Variants in TRAPPC9 observed in about 807,000 individuals in gnomAD.
TRAPPC9 encodes trafficking protein particle complex subunit 9.
TRAPPC9 carries 83 observed loss-of-function variants against 124.0 expected under a neutral mutation model. That is an observed-to-expected ratio of 0.67 (90% CI 0.56 to 0.80). The LOEUF is 0.80. Ranked by LOEUF, TRAPPC9 falls within the 30% of genes least tolerant of loss-of-function variation. TRAPPC9 has a pLI of 0.00. For missense variants in TRAPPC9, 1,302 were observed against 1,508.3 expected, an observed-to-expected ratio of 0.86 and a Z score of 2.27; for synonymous variants, 638 against 617.5, an observed-to-expected ratio of 1.03 and a Z score of -0.49.
At chr8:140,171,072 A>G (rs1249367973) in intron 17 of TRAPPC9, among the ~76,000 whole-genome samples, 1 of 152,226 alleles carries the variant, frequency 6.6e-6, no homozygotes, top group African/African-American at 2.4e-5. Context: ...TAGAGAGTTG[A>G]GAGATGATGT....
chr8:140,370,471 C>T (rs1314011044), intron 8 of TRAPPC9, among the ~76,000 whole-genome samples: 1 of 152,138 alleles, frequency 6.6e-6, no homozygotes, highest in African/African-American at 2.4e-5. Flanking sequence ...TCTAATCAGA[C>T]TTTGTCTAAT....
intron 2 of TRAPPC9, among the ~76,000 whole-genome samples, chr8:140,449,181 G>A (rs907654349): frequency 6.6e-6 from 1 of 152,160 alleles, no homozygotes; most frequent in Non-Finnish European, 1.5e-5. Flanking sequence ...CAACCAGAAC[G>A]ACACCGTGTG....
At chr8:139,741,911 T>C (rs1005887090) in intron 21 of TRAPPC9, among the ~76,000 whole-genome samples, 1 of 152,184 alleles carries the variant, frequency 6.6e-6, no homozygotes, top group African/African-American at 2.4e-5. Context: ...ATTTTGTTCA[T>C]ATAGCATCCA....
chr8:140,125,821 A>C (rs914924574), intron 17 of TRAPPC9, among the ~76,000 whole-genome samples: 4 of 151,890 alleles, frequency 2.6e-5, no homozygotes, highest in Admixed American at 2.0e-4. Context: ...CCAAACCTGC[A>C]TGTTTGAGAG....
intron 4 of TRAPPC9, among the ~76,000 whole-genome samples, chr8:140,427,985 C>T (rs374678479): frequency 6.6e-6 from 1 of 152,282 alleles, no homozygotes; most frequent in Non-Finnish European, 1.5e-5. Flanking sequence ...TATGGGGAGA[C>T]TGAAGCCCAG....
chr8:140,110,936 A>T (rs1423293754), intron 17 of TRAPPC9, among the ~76,000 whole-genome samples: 5 of 34,674 alleles, frequency 1.4e-4, no homozygotes, highest in East Asian at 9.1e-4. Flanking sequence ...GCTCCCCCAA[A>T]GCTCCCCCTG....
At chr8:140,314,247 G>A (rs1308217601) in intron 9 of TRAPPC9, among the ~76,000 whole-genome samples, 1 of 152,070 alleles carries the variant, frequency 6.6e-6, no homozygotes, top group Admixed American at 6.5e-5. Flanking sequence ...TTTGTTTATT[G>A]TTTAGTATCA....
At chr8:140,375,840 G>T (rs1319039254) in intron 7 of TRAPPC9, among the ~76,000 whole-genome samples, 1 of 152,178 alleles carries the variant, frequency 6.6e-6, no homozygotes, top group Non-Finnish European at 1.5e-5. Context: ...TGACAGATGT[G>T]TAGGGGCAGC....
chr8:140,382,208 G>T (rs540451757), intron 7 of TRAPPC9, among the ~76,000 whole-genome samples: 1 of 152,218 alleles, frequency 6.6e-6, no homozygotes. Flanking sequence ...AGCTCCCAGC[G>T]TGAGCGACAC....
chr8:140,292,665 T>C (rs1342891872), intron 11 of TRAPPC9, among the ~76,000 whole-genome samples: 2 of 151,934 alleles, frequency 1.3e-5, no homozygotes, highest in Admixed American at 6.6e-5. Context: ...TAGCCATATG[T>C]AGAAAGCTGA....
At chr8:140,024,210 G>GCCGACTCACAACCCCGGCGGGTA (rs1406533447) in intron 17 of TRAPPC9, 131 bp from the exon 18 acceptor site, 9 of 1,182,586 alleles carry the variant, frequency 7.6e-6, no homozygotes, top group South Asian at 2.6e-5. Context: ...ATCAGCATTG[G>GCCGACTCACAACCCCGGCGGGTA]CCGACTCACA....
At chr8:140,187,302 C>T (rs1439869153) in intron 17 of TRAPPC9, among the ~76,000 whole-genome samples, 1 of 152,154 alleles carries the variant, frequency 6.6e-6, no homozygotes, top group Non-Finnish European at 1.5e-5. Context: ...GAGCCGATGC[C>T]CCACCTAGAC....
At chr8:140,325,900 AC>A (rs971351531) in intron 9 of TRAPPC9, among the ~76,000 whole-genome samples, 7 of 151,718 alleles carry the variant, frequency 4.6e-5, no homozygotes, top group Admixed American at 3.9e-4. Context: ...AGGAAGAGAG[AC>A]CCCCCCAAAA....
chr8:139,930,315 G>A lies in TRAPPC9; in HGVS notation c.2811-20015C>T, dbSNP rs536682247. ...CGCCAGCCGGGAGTTGATGTGTAAC[G>A]TGAACAAGATACAGCCAAGGTGAGC... On this transcript the variant is annotated intron_variant, in intron 19 of 22. Transcript: ENST00000438773. Among the ~76,000 whole-genome samples, 11 of 152,342 alleles carry A rather than the reference G, an allele frequency of 7.2e-5. No homozygotes were observed. The South Asian group carries it at 8.3e-4, about 11-fold the overall frequency.
chr8:140,170,244 A>T (rs1164574747), intron 17 of TRAPPC9, among the ~76,000 whole-genome samples: 1 of 152,164 alleles, frequency 6.6e-6, no homozygotes, highest in African/African-American at 2.4e-5. Flanking sequence ...GAGAGCCATG[A>T]TCTCTAATTT....
At chr8:140,317,164 A>G (rs964688264) in intron 9 of TRAPPC9, among the ~76,000 whole-genome samples, 1 of 151,698 alleles carries the variant, frequency 6.6e-6, no homozygotes, top group African/African-American at 2.4e-5. Flanking sequence ...CCAGCTCTTC[A>G]TTTCATTAAT....
intron 9 of TRAPPC9, among the ~76,000 whole-genome samples, chr8:140,336,668 T>G (rs1381198056): frequency 6.6e-6 from 1 of 152,122 alleles, no homozygotes; most frequent in Non-Finnish European, 1.5e-5. Context: ...AGCAACAAAA[T>G]GAAGGGGTAG....
chr8:140,108,923 T>C (rs994444014), intron 17 of TRAPPC9, among the ~76,000 whole-genome samples: 14 of 152,214 alleles, frequency 9.2e-5, no homozygotes, highest in African/African-American at 3.1e-4. Flanking sequence ...AGAGGGGAGA[T>C]ATTTTTTCTT....
chr8:140,245,652 C>G (rs2131461183), intron 16 of TRAPPC9, among the ~76,000 whole-genome samples: 1 of 152,232 alleles, frequency 6.6e-6, no homozygotes, highest in South Asian at 2.1e-4. Flanking sequence ...GTTGAGAGAA[C>G]CAATTCATGG....
Sources: gnomAD v4.1 joint callset for allele counts (sites outside exome capture counted in the v4.1 genomes callset) on GRCh38, gnomAD v4.1.1 for gene constraint, MANE v1.5 for transcripts, NCBI Gene and HGNC (gene_info 2026-07-23, HGNC 2026-07-21) for gene names.